Variants in RBFOX1 observed in about 807,000 individuals in gnomAD.
The protein encoded by RBFOX1 is RNA binding fox-1 homolog 1, also known as RNA binding protein fox-1 homolog 1.
RBFOX1 carries 8 observed loss-of-function variants against 57.7 expected under a neutral mutation model. The observed-to-expected ratio is 0.14, with a 90% CI of 0.08 to 0.25. The LOEUF is 0.25. Among genes scored for constraint, RBFOX1 ranks in the 10% least tolerant of loss-of-function variants. The pLI, the probability that RBFOX1 is intolerant of heterozygous loss-of-function variation, is 1.00. For synonymous variants in RBFOX1, 326 were observed against 222.4 expected (o/e 1.47, Z -4.15); for missense variants, 611 against 548.5 (o/e 1.11, Z -1.14).
At chr16:7,446,798 ATTTTTTTTT>A (rs34580591) in intron 4 of RBFOX1, among the ~76,000 whole-genome samples, 4 of 49,014 alleles carry the variant, frequency 8.2e-5, no homozygotes, top group East Asian at 1.6e-3. Context: ...AGGTCTAGGT[ATTTTTTTTT>A]TTTTTTTTTT....
chr16:5,444,412 C>T (rs938569886), intron 1 of RBFOX1, among the ~76,000 whole-genome samples: 9 of 152,126 alleles, frequency 5.9e-5, no homozygotes, highest in Non-Finnish European at 8.8e-5. Flanking sequence ...CAAGAATGAT[C>T]GGAAAGACAG....
At chr16:7,699,511 G>T (rs930543174) in intron 14 of RBFOX1, among the ~76,000 whole-genome samples, 2 of 152,154 alleles carry the variant, frequency 1.3e-5, no homozygotes, top group Non-Finnish European at 2.9e-5. Context: ...TTGTTTCAAT[G>T]GTAAAAAGAG....
At chr16:5,913,761 G>C (rs1407294922) in intron 4 of RBFOX1, among the ~76,000 whole-genome samples, 1 of 152,172 alleles carries the variant, frequency 6.6e-6, no homozygotes, top group South Asian at 2.1e-4. Flanking sequence ...CATCCAAAAT[G>C]CCAATAATTG....
chr16:6,516,011 T>C (rs1343051022), intron 2 of RBFOX1, among the ~76,000 whole-genome samples: 1 of 152,140 alleles, frequency 6.6e-6, no homozygotes, highest in Non-Finnish European at 1.5e-5. Context: ...TTTTATTTTA[T>C]TTTATTTTTT....
chr16:5,369,485 A>G (rs144938865), intron 1 of RBFOX1, among the ~76,000 whole-genome samples: 41 of 152,324 alleles, frequency 2.7e-4, no homozygotes, highest in Non-Finnish European at 5.3e-4. Flanking sequence ...AGATGCTTTC[A>G]GGCATCACCT....
chr16:7,262,485 T>G (rs1436223228), intron 4 of RBFOX1, among the ~76,000 whole-genome samples: 1 of 152,260 alleles, frequency 6.6e-6, no homozygotes, highest in African/African-American at 2.4e-5. Context: ...TGTATTAAAA[T>G]TTAGGAGATC....
At chr16:6,398,448 C>G (rs1370119432) in intron 2 of RBFOX1, among the ~76,000 whole-genome samples, 3 of 152,052 alleles carry the variant, frequency 2.0e-5, no homozygotes, top group African/African-American at 7.2e-5. Context: ...TCTGTTCTGC[C>G]TATGAGCCTG....
At chr16:6,352,870 C>G (rs1567998964) in intron 2 of RBFOX1, among the ~76,000 whole-genome samples, 1 of 152,116 alleles carries the variant, frequency 6.6e-6, no homozygotes, top group Non-Finnish European at 1.5e-5. Flanking sequence ...TGCTCGCAAA[C>G]ACAACATGCA....
chr16:7,676,107 A>G (rs565739055), intron 13 of RBFOX1, among the ~76,000 whole-genome samples: 23 of 152,312 alleles, frequency 1.5e-4, no homozygotes, highest in African/African-American at 5.3e-4. Context: ...AAATTAGAAG[A>G]CTATCATATT....
chr16:7,179,465 CG>C (rs1250630110), intron 4 of RBFOX1, among the ~76,000 whole-genome samples: 1 of 152,148 alleles, frequency 6.6e-6, no homozygotes, highest in Non-Finnish European at 1.5e-5. Flanking sequence ...AACTGATTTA[CG>C]GTTCACCAAA....
rs553207892 is a variant in RBFOX1, at chr16:7,472,072, C to G, written c.28-46075C>G. Among the ~76,000 whole-genome samples the G allele has an allele frequency of 5.3e-5, 8 of 152,324 alleles. No individual in the cohort carries two copies. In the South Asian group the frequency reaches 1.2e-3, roughly 24 times the overall value. ...AATTTAGCTGCTATGCCTGGCATCT[C>G]TCCTTCAGCATATCCTGCCTGGTAG... On this transcript the variant is annotated intron_variant, in intron 4 of 15. Coordinates refer to ENST00000550418, the MANE Select transcript of RBFOX1 (RefSeq NM_018723.4).
At chr16:5,893,696 C>T (rs867389209) in intron 4 of RBFOX1, among the ~76,000 whole-genome samples, 7 of 151,818 alleles carry the variant, frequency 4.6e-5, no homozygotes, top group Middle Eastern at 3.2e-3. Context: ...ATCCCGGTTG[C>T]TATGGAGGCT....
chr16:6,916,910 C>T (rs918582295), intron 3 of RBFOX1, among the ~76,000 whole-genome samples: 30 of 152,092 alleles, frequency 2.0e-4, no homozygotes, highest in African/African-American at 7.0e-4. Context: ...AGTGCAGTGA[C>T]ATAATCTCGG....
intron 4 of RBFOX1, among the ~76,000 whole-genome samples, chr16:5,869,688 C>A (rs1011927478): frequency 6.6e-6 from 1 of 152,298 alleles, no homozygotes. Flanking sequence ...CAGGCATGAG[C>A]CACCGCGCCC....
At chr16:6,983,223 T>G (rs1350015157) in intron 3 of RBFOX1, among the ~76,000 whole-genome samples, 1 of 152,092 alleles carries the variant, frequency 6.6e-6, no homozygotes, top group African/African-American at 2.4e-5. Context: ...GTCACCCGCT[T>G]TATCCTCTTG....
At chr16:5,744,758 G>A (rs574646599) in intron 3 of RBFOX1, among the ~76,000 whole-genome samples, 2 of 152,256 alleles carry the variant, frequency 1.3e-5, no homozygotes, top group South Asian at 2.1e-4. Context: ...AAGAAATTGT[G>A]CTTTCTTTTT....
chr16:7,394,565 C>T (rs1460678898), intron 4 of RBFOX1, among the ~76,000 whole-genome samples: 2 of 152,092 alleles, frequency 1.3e-5, no homozygotes, highest in African/African-American at 4.8e-5. Flanking sequence ...TCCATTTATC[C>T]ATTCCTCTTG....
intron 4 of RBFOX1, among the ~76,000 whole-genome samples, chr16:7,156,728 G>C (rs1173644396): frequency 6.6e-6 from 1 of 152,020 alleles, no homozygotes; most frequent in African/African-American, 2.4e-5. Context: ...ATTCCTTATT[G>C]ATGCATGTTA....
chr16:6,798,911 G>A (rs1008321193), intron 3 of RBFOX1, among the ~76,000 whole-genome samples: 7 of 152,092 alleles, frequency 4.6e-5, no homozygotes, highest in Non-Finnish European at 1.0e-4. Flanking sequence ...GAAAAAAAAT[G>A]AATTCTTGTT....
Sources: gnomAD v4.1 joint callset for allele counts (sites outside exome capture counted in the v4.1 genomes callset) on GRCh38, gnomAD v4.1.1 for gene constraint, MANE v1.5 for transcripts, NCBI Gene and HGNC (gene_info 2026-07-23, HGNC 2026-07-21) for gene names.